Variants in MBP observed in about 807,000 individuals in gnomAD.
MBP encodes the protein Golli-MBP.
Under a neutral mutation model 35.8 loss-of-function variants are expected in MBP, and 16 were observed. That is an observed-to-expected ratio of 0.45 (90% CI 0.30 to 0.68). The LOEUF (loss-of-function observed/expected upper bound fraction) is 0.68, where lower values mean the gene tolerates loss of function less well. MBP is among the 30% of genes least tolerant of loss of function. The pLI is 0.08. For missense variants in MBP, 380 were observed against 404.7 expected (o/e 0.94, Z 0.52); for synonymous variants, 143 against 159.6 (o/e 0.90, Z 0.78).
chr18:77,018,988 C>G (rs1971855334), intron 3 of MBP, among the ~76,000 whole-genome samples: 1 of 149,354 alleles, frequency 6.7e-6, no homozygotes, highest in African/African-American at 2.5e-5. Context: ...ATCCATCCAT[C>G]CATCCATCCA....
chr18:77,126,357 G>C (rs1446268926), intron 1 of MBP, among the ~76,000 whole-genome samples: 9 of 152,204 alleles, frequency 5.9e-5, no homozygotes, highest in Non-Finnish European at 1.3e-4. Context: ...AAAGACATTT[G>C]ACAAAATACA....
intron 1 of MBP, among the ~76,000 whole-genome samples, 155 bp from the exon 2 acceptor site, chr18:77,105,441 T>A (rs2145136256): frequency 6.6e-6 from 1 of 152,176 alleles, no homozygotes; most frequent in East Asian, 1.9e-4. Context: ...CACGTCCAAG[T>A]CATCTTATTA....
chr18:77,047,425 AT>A, intron 3 of MBP, among the ~76,000 whole-genome samples: 1 of 152,354 alleles, frequency 6.6e-6, no homozygotes. Flanking sequence ...GGACACGCAA[AT>A]CCACAGGCAT....
In MBP at chr18:76,988,215, C is replaced by A. The variant is rs1416278453; in HGVS notation, c.750+280G>T. The A allele has an allele frequency of 6.5e-7, 1 of 1,548,646 alleles. No homozygotes were observed. The highest frequency in any genetic ancestry group is 2.0e-5 in the Admixed American group (1 of 51,010). On this transcript the variant is annotated intron_variant, in intron 7 of 8. Transcript: ENST00000355994. The surrounding 1 kb of genome is among the most constrained non-coding windows in gnomAD (Gnocchi z 5.2). ...GTTGCTCCCTCCCTGGGAGGGAGAC[C>A]AGTCACGTCGCCTGGGAACCCTCTG...
At chr18:77,049,675 TTTTTA>T (rs546741052) in intron 3 of MBP, among the ~76,000 whole-genome samples, 474 of 152,258 alleles carry the variant, frequency 3.1e-3, no homozygotes, top group African/African-American at 7.9e-3. Context: ...TTATTTTTAA[TTTTTA>T]TTTTATTTTA....
chr18:77,015,862 C>A, intron 4 of MBP: 1 of 985,426 alleles, frequency 1.0e-6, no homozygotes, highest in Non-Finnish European at 1.2e-6. Flanking sequence ...AAGCCTTTTA[C>A]GCTCCCACAA....
chr18:76,991,343 G>A (rs1372447445), intron 4 of MBP, among the ~76,000 whole-genome samples: 1 of 152,168 alleles, frequency 6.6e-6, no homozygotes. Flanking sequence ...ACTGCGAGAG[G>A]TTAGCTCACA....
At chr18:76,998,192 C>A (rs1970422670) in intron 4 of MBP, among the ~76,000 whole-genome samples, 2 of 152,194 alleles carry the variant, frequency 1.3e-5, no homozygotes, top group African/African-American at 4.8e-5. Context: ...CTGGCCCCAG[C>A]GTTCAAGTCA....
chr18:77,021,528 G>A (rs1421356665), intron 3 of MBP, among the ~76,000 whole-genome samples: 2 of 144,622 alleles, frequency 1.4e-5, no homozygotes, highest in Middle Eastern at 3.7e-3. Context: ...CTGTCGCCCA[G>A]GTTGGAGTGT....
chr18:77,027,413 G>C (rs573247634), intron 3 of MBP, among the ~76,000 whole-genome samples: 88 of 152,362 alleles, frequency 5.8e-4, no homozygotes, highest in African/African-American at 2.1e-3. Flanking sequence ...CCACCGAGCA[G>C]AGGCTGCAAC....
intron 4 of MBP, chr18:77,014,262 C>T (rs1169481409): frequency 3.0e-6 from 3 of 985,320 alleles, no homozygotes; most frequent in African/African-American, 3.5e-5. Context: ...GGCGGCCGCT[C>T]CAACATGTGG....
chr18:77,066,435 T>C (rs117933381), intron 2 of MBP, 50 bp from the exon 3 acceptor site: 1 of 1,203,706 alleles, frequency 8.3e-7, no homozygotes, highest in Admixed American at 1.7e-5. Context: ...AATTGTTTTA[T>C]CAACAAAATA....
At chr18:76,985,658 G>C in intron 7 of MBP, 1 of 1,058,254 alleles carries the variant, frequency 9.4e-7, no homozygotes, top group Non-Finnish European at 1.1e-6. Context: ...CAGCGGGACA[G>C]CGTCTCAGCT....
chr18:77,047,556 T>A (rs470478), intron 3 of MBP, among the ~76,000 whole-genome samples: 148,337 of 152,306 alleles, frequency 0.97, 72,369 homozygotes, highest in East Asian at 1. Context: ...CTAAGGTTAG[T>A]TAACGATGGT....
intron 4 of MBP, 44 bp downstream of exon 4, chr18:77,016,788 C>T: frequency 1.2e-6 from 2 of 1,602,354 alleles, no homozygotes; most frequent in South Asian, 1.1e-5. Flanking sequence ...TTCTCCTTTG[C>T]TTTTTCCATT....
chr18:77,024,969 G>C (rs919860970), intron 3 of MBP, among the ~76,000 whole-genome samples: 6 of 152,214 alleles, frequency 3.9e-5, no homozygotes, highest in African/African-American at 1.4e-4. Context: ...CACCCGCAGA[G>C]AGTGGCAGAG....
chr18:77,042,031 A>C (rs1973030351), intron 3 of MBP, among the ~76,000 whole-genome samples: 1 of 152,162 alleles, frequency 6.6e-6, no homozygotes, highest in Admixed American at 6.5e-5. Context: ...AAAGAGGCGC[A>C]CTTTCTAGTC....
chr18:76,989,952 T>A lies in MBP; in HGVS notation c.681+4A>T. The stretch of plus-strand genomic sequence containing the variant: ...GCTACCTCTTCCCATCGATCGTCAC[T>A]TACAATGTTCTTGAAGAAGTGGACT... On this transcript the variant is annotated splice_donor_region_variant and intron_variant, in intron 5 of 8. Transcript: ENST00000355994. The surrounding 1 kb of genome is among the most constrained non-coding windows in gnomAD (Gnocchi z 4.0). 6.2e-7 allele frequency: 1 copy of A among 1,609,610 alleles called. No homozygotes were observed. Among genetic ancestry groups the A allele is most frequent in the Non-Finnish European group, 8.5e-7 (1 of 1,177,574 alleles).
At chr18:77,029,753 T>C (rs895901134) in intron 3 of MBP, among the ~76,000 whole-genome samples, 1 of 151,480 alleles carries the variant, frequency 6.6e-6, no homozygotes, top group East Asian at 1.9e-4. Context: ...TAGTTTTGAG[T>C]GTTCTATGTT....
Sources: allele counts gnomAD v4.1 joint callset (sites outside exome capture counted in the v4.1 genomes callset), GRCh38; gene constraint gnomAD v4.1.1; non-coding constraint Gnocchi (gnomAD v3.1); transcripts MANE v1.5; gene names NCBI Gene and HGNC (gene_info 2026-07-23, HGNC 2026-07-21).